Variants in EPHA6 observed in about 807,000 individuals in gnomAD.
EPHA6 encodes the protein ephrin type-A receptor 6.
A neutral mutation model predicts 112.0 loss-of-function variants in EPHA6; 50 were observed. That is an observed-to-expected ratio of 0.45 (90% CI 0.36 to 0.56). The LOEUF is 0.56. Among genes scored for constraint, EPHA6 ranks in the 20% least tolerant of loss-of-function variants. The pLI, the probability that EPHA6 is intolerant of heterozygous loss-of-function variation, is 0.00. For missense variants in EPHA6, 1,280 were observed against 1,417.4 expected, an observed-to-expected ratio of 0.90 and a Z score of 1.56; for synonymous variants, 529 against 490.7, an observed-to-expected ratio of 1.08 and a Z score of -1.03.
intron 3 of EPHA6, among the ~76,000 whole-genome samples, chr3:97,093,755 G>A (rs191627270): frequency 6.6e-6 from 1 of 152,020 alleles, no homozygotes; most frequent in Non-Finnish European, 1.5e-5. Context: ...TCTCTTTAGG[G>A]TGATGTAATA....
chr3:96,823,701 A>G (rs1371414876), intron 1 of EPHA6, among the ~76,000 whole-genome samples: 1 of 151,814 alleles, frequency 6.6e-6, no homozygotes, highest in African/African-American at 2.4e-5. Flanking sequence ...CTTGCTAGCA[A>G]TCAGCATTAA....
At chr3:97,328,060 T>TACAC (rs1269884204) in intron 5 of EPHA6, among the ~76,000 whole-genome samples, 1 of 143,788 alleles carries the variant, frequency 7.0e-6, no homozygotes, top group Non-Finnish European at 1.5e-5. Flanking sequence ...TACACATATA[T>TACAC]ATATATATAT....
chr3:97,715,089 G>A (rs1204434851), intron 14 of EPHA6, among the ~76,000 whole-genome samples: 5 of 152,178 alleles, frequency 3.3e-5, no homozygotes, highest in African/African-American at 4.8e-5. Context: ...CTGTAACCAT[G>A]AATTATTGGC....
intron 6 of EPHA6, among the ~76,000 whole-genome samples, chr3:97,447,080 T>C (rs2090371221): frequency 6.6e-6 from 1 of 152,140 alleles, no homozygotes. Context: ...AAATGGCAAA[T>C]TCAATTCTTT....
intron 3 of EPHA6, among the ~76,000 whole-genome samples, chr3:97,072,157 T>C (rs1210988722): frequency 1.3e-5 from 2 of 152,068 alleles, no homozygotes; most frequent in African/African-American, 4.8e-5. Flanking sequence ...TGCCCATCAA[T>C]AGATAAGTGG....
intron 2 of EPHA6, among the ~76,000 whole-genome samples, chr3:96,926,340 A>G (rs193037758): frequency 1.3e-5 from 2 of 152,268 alleles, no homozygotes; most frequent in East Asian, 1.9e-4. Context: ...TTACAATTAG[A>G]GATATATTTG....
intron 2 of EPHA6, among the ~76,000 whole-genome samples, chr3:96,930,234 A>G (rs1316707404): frequency 6.6e-6 from 1 of 152,188 alleles, no homozygotes; most frequent in Non-Finnish European, 1.5e-5. Flanking sequence ...CAGCCATCTC[A>G]GCCTCAGCTC....
chr3:97,544,116 T>G (rs1043648455), intron 11 of EPHA6, among the ~76,000 whole-genome samples: 6 of 152,190 alleles, frequency 3.9e-5, no homozygotes, highest in Non-Finnish European at 7.3e-5. Flanking sequence ...TAGCCAGAAC[T>G]TCCAACACTA....
At chr3:96,887,391 G>A (rs1321904809) in intron 2 of EPHA6, among the ~76,000 whole-genome samples, 1 of 152,168 alleles carries the variant, frequency 6.6e-6, no homozygotes, top group Non-Finnish European at 1.5e-5. Flanking sequence ...AGTCTACCCG[G>A]CTCCAGGCTG....
intron 5 of EPHA6, among the ~76,000 whole-genome samples, chr3:97,404,343 GT>G (rs1229290864): frequency 4.6e-5 from 7 of 152,048 alleles, no homozygotes; most frequent in African/African-American, 1.7e-4. Flanking sequence ...GTGCCAATCT[GT>G]TACGTGAGAA....
chr3:97,545,305 C>G (rs2092929080), intron 11 of EPHA6, among the ~76,000 whole-genome samples: 1 of 152,010 alleles, frequency 6.6e-6, no homozygotes, highest in Non-Finnish European at 1.5e-5. Flanking sequence ...TTTATTTCTG[C>G]CTTCATTTCA....
At chr3:97,331,348 C>T (rs534619349) in intron 5 of EPHA6, among the ~76,000 whole-genome samples, 66 of 152,034 alleles carry the variant, frequency 4.3e-4, no homozygotes, top group African/African-American at 1.6e-3. Flanking sequence ...ACTGGAGAAG[C>T]AAGAACAAAC....
chr3:97,662,409 T>A (rs939108140), intron 14 of EPHA6, among the ~76,000 whole-genome samples: 1 of 152,124 alleles, frequency 6.6e-6, no homozygotes, highest in African/African-American at 2.4e-5. Flanking sequence ...TCTTCTTTAG[T>A]GAAAATATCG....
chr3:97,539,034 T>TCTTTCTTG (rs1489446940), intron 11 of EPHA6, among the ~76,000 whole-genome samples: 6 of 142,140 alleles, frequency 4.2e-5, no homozygotes, highest in South Asian at 2.3e-4. Context: ...TTTCTTTCTT[T>TCTTTCTTG]CTTGCTTTCT....
chr3:97,473,991 CTT>C (rs894360177), intron 7 of EPHA6, among the ~76,000 whole-genome samples: 1 of 151,764 alleles, frequency 6.6e-6, no homozygotes, highest in Admixed American at 6.6e-5. Flanking sequence ...GACTTCAACT[CTT>C]TTGTTTTTAT....
At chr3:97,680,656 G>A (rs1322000175) in intron 14 of EPHA6, among the ~76,000 whole-genome samples, 1 of 152,136 alleles carries the variant, frequency 6.6e-6, no homozygotes, top group Non-Finnish European at 1.5e-5. Context: ...TTACATATCA[G>A]TGTCCCTTTG....
intron 5 of EPHA6, among the ~76,000 whole-genome samples, chr3:97,331,215 C>G (rs1286016259): frequency 6.6e-6 from 1 of 151,988 alleles, no homozygotes; most frequent in Non-Finnish European, 1.5e-5. Flanking sequence ...AAAGACACAA[C>G]ATACCAGAAT....
chr3:97,019,234 C>T (rs973679277), intron 3 of EPHA6, among the ~76,000 whole-genome samples: 3 of 152,080 alleles, frequency 2.0e-5, no homozygotes, highest in South Asian at 2.1e-4. Flanking sequence ...GGTGGCTTGC[C>T]GCCCACATTT....
chr3:97,227,830 G>A (rs2078405566), intron 4 of EPHA6, among the ~76,000 whole-genome samples: 5 of 152,206 alleles, frequency 3.3e-5, no homozygotes, highest in Admixed American at 1.3e-4. Context: ...AGCAGAGGAC[G>A]TAGAAACCCT....
Sources: gnomAD v4.1 joint callset for allele counts (sites outside exome capture counted in the v4.1 genomes callset) on GRCh38, gnomAD v4.1.1 for gene constraint, MANE v1.5 for transcripts, NCBI Gene and HGNC (gene_info 2026-07-23, HGNC 2026-07-21) for gene names.